The following HSDL1 variants were observed in gnomAD, a reference collection of about 807,000 sequenced individuals.
HSDL1 encodes the protein inactive hydroxysteroid dehydrogenase-like protein 1.
A neutral mutation model predicts 31.5 loss-of-function variants in HSDL1; 29 were observed. That is an observed-to-expected ratio of 0.92 (90% CI 0.69 to 1.26). HSDL1 has a LOEUF of 1.26. Among genes scored for constraint, HSDL1 ranks in the 50% most tolerant of loss-of-function variants. The pLI is 0.00. For synonymous variants in HSDL1, 222 were observed against 155.2 expected (o/e 1.43, Z -3.20); for missense variants, 503 against 416.6 (o/e 1.21, Z -1.81).
chr16:84,125,837 C>T (rs866041554), intron 5 of HSDL1, among the ~76,000 whole-genome samples: 10 of 152,234 alleles, frequency 6.6e-5, no homozygotes, highest in African/African-American at 2.2e-4. Context: ...GGCACGCTGG[C>T]TCATGCCTGT....
intron 1 of HSDL1, chr16:84,139,320 C>G (rs541519013): frequency 6.6e-6 from 1 of 151,888 alleles, no homozygotes; most frequent in Admixed American, 6.6e-5. Flanking sequence ...GTAAGGGGGG[C>G]AGGAAGATCA....
At chr16:84,132,625 C>T (rs968410615) in intron 2 of HSDL1, among the ~76,000 whole-genome samples, 12 of 152,052 alleles carry the variant, frequency 7.9e-5, no homozygotes, top group East Asian at 1.9e-4. Context: ...AATGACCGTC[C>T]CTAGGTGAAG....
At chr16:84,129,344 C>T (rs926573312) in intron 5 of HSDL1, among the ~76,000 whole-genome samples, 1 of 151,860 alleles carries the variant, frequency 6.6e-6, no homozygotes. Context: ...CGCACCACTG[C>T]ACTCCAGCCT....
chr16:84,143,963 G>C (rs1022067016), intron 1 of HSDL1, among the ~76,000 whole-genome samples: 1 of 152,086 alleles, frequency 6.6e-6, no homozygotes. Flanking sequence ...AGCAGGAGCT[G>C]AGATCGCAGG....
Position 84,143,644 on chromosome 16 carries a change from A to G in HSDL1, c.-69+1436T>C, listed in dbSNP as rs771646073. On this transcript the variant is annotated intron_variant, in intron 1 of 5. Transcript: ENST00000219439. ...TTCGATTTTTGAAAACCTACTTTAA[A>G]AAAAAGTAGCACCAATATGTTCAAC... 4.6e-4 allele frequency among the ~76,000 whole-genome samples: 70 copies of G among 152,162 alleles called. 1 individual carries two copies. The highest frequency in any genetic ancestry group is 1.5e-4 in the Non-Finnish European group (10 of 68,034).
At chr16:84,134,230 G>A (rs1162472392) in intron 2 of HSDL1, among the ~76,000 whole-genome samples, 1 of 152,136 alleles carries the variant, frequency 6.6e-6, no homozygotes, top group Non-Finnish European at 1.5e-5. Context: ...GACGGGCACG[G>A]TATCAGAGTT....
intron 1 of HSDL1, among the ~76,000 whole-genome samples, chr16:84,136,232 G>A (rs1198182561): frequency 6.6e-6 from 1 of 152,244 alleles, no homozygotes; most frequent in Non-Finnish European, 1.5e-5. Context: ...GTCCTACAGT[G>A]TTTGGGGGCA....
Position 84,131,189 on chromosome 16 carries a change from A to G in HSDL1, c.133T>C (p.Tyr45His), listed in dbSNP as rs559297453. ...RKSITVICDF[Y>H]SLIRLHFIPR... ...ATAAAATGCAGCCTGATCAGGCTGT[A>G]AAAGTCACAGATGACAGTGATGCTT... Residue 45 changes from tyrosine to histidine, a missense_variant, in exon 3 of 6, where the codon TAC becomes CAC. Physicochemically the swap from Tyr to His is moderately conservative, Grantham distance 83. Coordinates refer to ENST00000219439, the MANE Select transcript of HSDL1 (RefSeq NM_031463.5). 1.9e-6 allele frequency: 3 copies of G among 1,614,200 alleles called. No homozygotes were observed. The highest frequency in any genetic ancestry group is 1.3e-5 in the African/African-American group (1 of 75,062).
Position 84,122,757 on chromosome 16 carries a change from G to A in HSDL1, c.*1873C>T, listed in dbSNP as rs2086566652. 6.6e-6 allele frequency: 1 copy of A among 152,208 alleles called. No individual in the cohort carries two copies. The allele number at this position is 152,208 out of a possible 1,614,324, so 9.4% of individuals were successfully genotyped here. On this transcript the variant is annotated 3_prime_UTR_variant, in exon 6 of 6. Transcript: ENST00000219439. ...TTTAATGAAAGCTAGAAAACCTAGAGAAGGTCTTGCTCTTCATCTTTCACT... is the reference window on the plus strand; with the variant it reads ...TTTAATGAAAGCTAGAAAACCTAGAAAAGGTCTTGCTCTTCATCTTTCACT...
Position 84,122,705 on chromosome 16 carries a change from CAAATTAGCTCTGGGG to C in HSDL1, c.*1910_*1924del, listed in dbSNP as rs2086566202. The C allele has an allele frequency of 6.6e-6, 1 of 152,178 alleles. No homozygotes were observed. The highest frequency in any genetic ancestry group is 1.5e-5 in the Non-Finnish European group (1 of 68,042). 9.4% of individuals were successfully genotyped at this position (152,178 alleles called of 1,614,324 possible). Reference sequence around the variant, plus strand: ...CATCCACAGTGGTCCAATCAACTTTCAAATTAGCTCTGGGGAAAAAAATACATTTAATGAAAGCTA... The same window carrying C: ...CATCCACAGTGGTCCAATCAACTTTCAAAAAAATACATTTAATGAAAGCTA... On this transcript the variant is annotated 3_prime_UTR_variant, in exon 6 of 6. Coordinates refer to ENST00000219439, the MANE Select transcript of HSDL1 (RefSeq NM_031463.5).
rs2086583609 is a variant in HSDL1, at chr16:84,124,565, T to C, written c.*65A>G. On this transcript the variant is annotated 3_prime_UTR_variant, in exon 6 of 6. Transcript: ENST00000219439. ...ACACAGGAGATAAATTAAATGTGTT[T>C]TTCCAAATGTCAGAATATCGAGGTT... is the stretch of plus-strand genomic sequence containing the variant. 4 of 975,006 alleles carry C rather than the reference T, an allele frequency of 4.1e-6. No homozygotes were observed. The Admixed American group carries it at 7.1e-5, about 17-fold the overall frequency. 60.4% of individuals were successfully genotyped at this position (975,006 alleles called of 1,614,324 possible).
intron 1 of HSDL1, among the ~76,000 whole-genome samples, chr16:84,144,073 C>CCTCT (rs140146164): frequency 2.2e-4 from 31 of 143,958 alleles, no homozygotes; most frequent in East Asian, 1.2e-3. Flanking sequence ...TCCCTCCCTC[C>CCTCT]CTCTCTCTCT....
rs1196943413 is a variant in HSDL1 at position 84,124,127 on chromosome 16, A to G, written c.*503T>C. On this transcript the variant is annotated 3_prime_UTR_variant, in exon 6 of 6. Transcript: ENST00000219439. ...TTGAAGTGCAGCATTTTCATTACAG[A>G]TAGTCAAACAGCTAGAGCTATACAA... The G allele has an allele frequency of 3.9e-5, 6 of 153,266 alleles. No individual in the cohort carries two copies. The highest frequency in any genetic ancestry group is 1.4e-4 in the African/African-American group (6 of 41,462). 9.5% of individuals were successfully genotyped at this position (153,266 alleles called of 1,614,324 possible). A position where few individuals can be genotyped will look rare whatever the true frequency, so the allele number is the denominator to read the frequency against.
At chr16:84,138,151 A>G (rs937588046) in intron 1 of HSDL1, among the ~76,000 whole-genome samples, 1 of 152,234 alleles carries the variant, frequency 6.6e-6, no homozygotes, top group Non-Finnish European at 1.5e-5. Context: ...ATTTTGTTAT[A>G]GCAGCTCAAA....
At chr16:84,126,423 C>CT (rs1270848975) in intron 5 of HSDL1, among the ~76,000 whole-genome samples, 2 of 152,114 alleles carry the variant, frequency 1.3e-5, no homozygotes, top group East Asian at 3.8e-4. Flanking sequence ...GTGGATGCTA[C>CT]TGGTATCTAG....
In HSDL1 at chr16:84,129,605, A is replaced by G. The variant is rs760864750; in HGVS notation, c.837T>C (p.Ala279=). ...VPSPKVYAHH[A]VSTLGISKRT... The stretch of plus-strand genomic sequence containing the variant: ...TTTTGGAAATCCCAAGAGTAGAAAC[A>G]GCATGATGTGCATAGACTTTTGGCG... The change falls in exon 5 of 6, where the codon GCT becomes GCC. Residue 279 remains alanine, a synonymous_variant. Transcript: ENST00000219439. 1 of 1,614,230 alleles carries G rather than the reference A, an allele frequency of 6.2e-7. No homozygotes were observed. Among genetic ancestry groups the G allele is most frequent in the Non-Finnish European group, 8.5e-7 (1 of 1,180,046 alleles).
chr16:84,127,532 A>AT, intron 5 of HSDL1, among the ~76,000 whole-genome samples: 2 of 151,330 alleles, frequency 1.3e-5, no homozygotes, highest in South Asian at 4.2e-4. Context: ...ACTGCTTCTT[A>AT]TTAATCTCTC....
rs2086652404 is a variant in HSDL1, at chr16:84,130,425, G to A, written c.227C>T (p.Thr76Ile). 1.2e-6 allele frequency: 2 copies of A among 1,605,168 alleles called. No individual in the cohort carries two copies. The highest frequency in any genetic ancestry group is 1.7e-6 in the Non-Finnish European group (2 of 1,175,822). ...YGRWAVVSGA[T>I]DGIGKAYAEE... ...AGCGTAGGCTTTTCCAATCCCATCT[G>A]TTGCACCTAGGATGCAAGTCAGGAA... Residue 76 changes from threonine (T) to isoleucine (I), a missense_variant, in exon 4 of 6, where the codon ACA (threonine) becomes ATA (isoleucine). By Grantham distance (89) the Thr-to-Ile change is moderately conservative. Transcript: ENST00000219439.
rs2086659877 is a variant in HSDL1, at chr16:84,131,128, T to C, written c.194A>G (p.Gln65Arg). 6.2e-7 allele frequency: 1 copy of C among 1,613,784 alleles called. No individual in the cohort carries two copies. The highest frequency in any genetic ancestry group is 1.1e-5 in the South Asian group (1 of 91,074). The part of the protein sequence containing the change: ...RLGSRADLIK[Q>R]YGRWAVVSGA... ...GCTGACAACGGCCCATCTTCCATAC[T>C]GCTTGATCAAGTCTGCTCTGCTCCC... is the stretch of plus-strand genomic sequence containing the variant. The change falls in exon 3 of 6, where the codon CAG (glutamine) becomes CGG (arginine). Residue 65 changes from glutamine (Q) to arginine (R), a missense_variant. Coordinates refer to ENST00000219439, the MANE Select transcript of HSDL1 (RefSeq NM_031463.5).
Sources: gnomAD v4.1 joint callset for allele counts (sites outside exome capture counted in the v4.1 genomes callset) on GRCh38, gnomAD v4.1.1 for gene constraint, MANE v1.5 for transcripts, NCBI Gene and HGNC (gene_info 2026-07-23, HGNC 2026-07-21) for gene names.